The following OS9 variants were observed in gnomAD, a reference collection of about 807,000 sequenced individuals.
OS9 encodes the protein protein OS-9.
In OS9, 58 loss-of-function variants were observed where a neutral mutation model predicts 84.7. The ratio of observed to expected loss-of-function variants is 0.68; its 90% CI spans 0.55 to 0.85. The LOEUF is 0.85. Among genes scored for constraint, OS9 ranks in the 40% least tolerant of loss-of-function variants. The pLI, the probability that OS9 is intolerant of heterozygous loss-of-function variation, is 0.00. For synonymous variants in OS9, 278 were observed against 320.8 expected (o/e 0.87, Z 1.43); for missense variants, 760 against 850.9 (o/e 0.89, Z 1.33).
chr12:57,718,418 G>A lies in OS9; in HGVS notation c.1407G>A (p.Gln469=), dbSNP rs767058976. The change falls in exon 11 of 15, where the codon CAG becomes CAA. Residue 469 remains glutamine, a synonymous_variant. Transcript: ENST00000315970. ...AGCGGGAACTGGAAAACATCATCCA[G>A]GAGGCAAGCCCAGCTCTTCCTCCTG... The part of the protein sequence containing the change: ...GMERELENII[Q]ETEKELDPDG... 5.6e-6 allele frequency: 9 copies of A among 1,612,468 alleles called. No individual in the cohort carries two copies. The highest frequency in any genetic ancestry group is 1.3e-5 in the African/African-American group (1 of 74,912).
In OS9 at chr12:57,697,889, A is replaced by G. The variant is rs1417651943; in HGVS notation, c.579+1516A>G. Among the ~76,000 whole-genome samples, 334 of 142,254 alleles carry G rather than the reference A, an allele frequency of 2.3e-3. 5 individuals carry two copies. The highest frequency in any genetic ancestry group is 8.3e-3 in the African/African-American group (321 of 38,452). The allele number at this position is 142,254 out of a possible 152,430, so 93.3% of individuals were successfully genotyped here. ...CACACACACACACACACACACACAC[A>G]CGGAACCTAACATAAGCAAACACAC... is the stretch of plus-strand genomic sequence containing the variant. On this transcript the variant is annotated intron_variant, in intron 5 of 14. Coordinates refer to ENST00000315970, the MANE Select transcript of OS9 (RefSeq NM_006812.4).
At chr12:57,713,293 G>A (rs961436964) in intron 5 of OS9, among the ~76,000 whole-genome samples, 1 of 152,178 alleles carries the variant, frequency 6.6e-6, no homozygotes, top group African/African-American at 2.4e-5. Flanking sequence ...CTTACGGACT[G>A]CCTCTCCCCC....
intron 5 of OS9, among the ~76,000 whole-genome samples, chr12:57,701,566 G>A (rs897809682): frequency 2.0e-5 from 3 of 151,454 alleles, no homozygotes; most frequent in Non-Finnish European, 4.4e-5. Context: ...GTGAGCCACC[G>A]TGCCTGGCCT....
chr12:57,707,500 AACTC>A (rs1427393251), intron 5 of OS9, among the ~76,000 whole-genome samples: 7 of 152,144 alleles, frequency 4.6e-5, no homozygotes, highest in Non-Finnish European at 1.0e-4. Flanking sequence ...ATCTCTTGAG[AACTC>A]ACTCACTGTC....
chr12:57,705,644 A>C (rs900999275), intron 5 of OS9, among the ~76,000 whole-genome samples: 1 of 151,612 alleles, frequency 6.6e-6, no homozygotes, highest in Non-Finnish European at 1.5e-5. Flanking sequence ...CTCTGCCTCA[A>C]CCTCCCGAGT....
Position 57,718,998 on chromosome 12 carries a change from GA to G in OS9, c.1419del (p.Glu474SerfsTer7). 1 of 1,612,998 alleles carries G rather than the reference GA, an allele frequency of 6.2e-7. No individual in the cohort carries two copies. Among genetic ancestry groups the G allele is most frequent in the Non-Finnish European group, 8.5e-7 (1 of 1,179,560 alleles). ...TCTTCTCTTGGGTATTCCAGACAGA[GA>G]AAGAGCTGGACCCAGATGGGCTGAA... Reference protein sequence around the residue: ...ELENIIQETEKELDPDGLKKE... With the variant: ...ELENIIQETEXELDPDGLKKE... On this transcript the variant is annotated frameshift_variant, in exon 12 of 15. Coordinates refer to ENST00000315970, the MANE Select transcript of OS9 (RefSeq NM_006812.4). LOFTEE classifies it high-confidence loss of function.
Position 57,695,825 on chromosome 12 carries a change from CA to C in OS9, c.386del (p.Gln129ArgfsTer92). The C allele has an allele frequency of 6.2e-7, 1 of 1,611,362 alleles. No homozygotes were observed. Among genetic ancestry groups the C allele is most frequent in the Non-Finnish European group, 8.5e-7 (1 of 1,177,460 alleles). ...TYEFCYGRHI[Q>X]QYHMEDSEIK... ...TGAATTCTGTTATGGACGCCACATC[CA>C]GCAATACCACATGGAAGGTAACTCA... On this transcript the variant is annotated frameshift_variant, in exon 3 of 15. Transcript: ENST00000315970. LOFTEE classifies it high-confidence loss of function.
rs938530907 is a variant in OS9 at position 57,705,714 on chromosome 12, G to A, written c.579+9341G>A. Among the ~76,000 whole-genome samples the A allele has an allele frequency of 2.6e-5, 4 of 152,006 alleles. 1 individual carries two copies. The highest frequency in any genetic ancestry group is 4.2e-4 in the South Asian group (2 of 4,812). On this transcript the variant is annotated intron_variant, in intron 5 of 14. Transcript: ENST00000315970. ...CTAATTATTGTAATTTTTTTAGAGC[G>A]GGGGTTTTGTCATATTGGCCAGGCT...
intron 5 of OS9, among the ~76,000 whole-genome samples, chr12:57,712,793 T>G (rs1425696191): frequency 1.3e-5 from 2 of 151,994 alleles, no homozygotes. Flanking sequence ...ATGAAGCCTC[T>G]AGTGTCTCTT....
chr12:57,701,262 ATTTTTTTTTTTTTTTTTT>A (rs556973162), intron 5 of OS9, among the ~76,000 whole-genome samples: 1 of 71,476 alleles, frequency 1.4e-5, no homozygotes, highest in African/African-American at 5.8e-5. Flanking sequence ...TGGTTGAGTG[ATTTTTTTTTTTTTTTTTT>A]TTTTTTTTTT....
chr12:57,696,750 C>T (rs1403807013), intron 5 of OS9, among the ~76,000 whole-genome samples: 3 of 151,406 alleles, frequency 2.0e-5, no homozygotes, highest in South Asian at 2.1e-4. Flanking sequence ...GAGCCGAGGT[C>T]GTGCCACTGT....
intron 2 of OS9, 59 bp downstream of exon 2, chr12:57,694,985 C>A: frequency 6.8e-7 from 1 of 1,479,200 alleles, no homozygotes; most frequent in East Asian, 2.3e-5. Context: ...CATCCAAGAA[C>A]TGGAGTCCAC....
intron 5 of OS9, among the ~76,000 whole-genome samples, chr12:57,708,367 C>T (rs894590865): frequency 2.6e-5 from 4 of 151,912 alleles, no homozygotes; most frequent in African/African-American, 9.7e-5. Flanking sequence ...TGTGGTGGCT[C>T]ATGCCTGTAA....
rs1336116091 is a variant in OS9, at chr12:57,721,065, G to A, written c.*156G>A. The A allele has an allele frequency of 3.1e-5, 24 of 784,438 alleles. No homozygotes were observed. The highest frequency in any genetic ancestry group is 1.2e-4 in the African/African-American group (7 of 57,602). The allele number at this position is 784,438 out of a possible 1,614,324, so 48.6% of individuals were successfully genotyped here. ...GCAACTCTGTGGGTGTGGGGGCCCT[G>A]GGTGAATGCTGCTGCCCCTGCTGGC... On this transcript the variant is annotated 3_prime_UTR_variant, in exon 15 of 15. Coordinates refer to ENST00000315970, the MANE Select transcript of OS9 (RefSeq NM_006812.4).
intron 9 of OS9, among the ~76,000 whole-genome samples, chr12:57,717,018 A>G (rs527900577): frequency 6.6e-6 from 1 of 152,344 alleles, no homozygotes; most frequent in East Asian, 1.9e-4. Context: ...AGAGGGTTGC[A>G]TGGGATTAAA....
chr12:57,719,127 G>C lies in OS9; in HGVS notation c.1545G>C (p.Lys515Asn). 1 of 1,614,106 alleles carries C rather than the reference G, an allele frequency of 6.2e-7. No individual in the cohort carries two copies. The highest frequency in any genetic ancestry group is 8.5e-7 in the Non-Finnish European group (1 of 1,180,018). Residue 515 changes from lysine to asparagine, a missense_variant, in exon 12 of 15, where the codon AAG (lysine) becomes AAC (asparagine). Physicochemically the swap from Lys to Asn is moderately conservative, Grantham distance 94. Transcript: ENST00000315970. ...AACAGAGTCCAGAGCTGGTGAAGAA[G>C]CACAAGAAAAAGAGGGTTGTCCCCA... is the stretch of plus-strand genomic sequence containing the variant. ...EEKQSPELVK[K>N]HKKKRVVPKK...
At position 57,716,681 on chromosome 12, in the gene OS9, T is replaced by G. The variant is rs903352142; in HGVS notation, c.994-12T>G. On this transcript the variant is annotated splice_polypyrimidine_tract_variant and intron_variant, in intron 8 of 14. Coordinates refer to ENST00000315970, the MANE Select transcript of OS9 (RefSeq NM_006812.4). ...GCTTTCATACTTGACTCTCTCCTTTTCTCCTCGTCAGGAGCAGGACCCAAG... is the reference window on the plus strand; with the variant it reads ...GCTTTCATACTTGACTCTCTCCTTTGCTCCTCGTCAGGAGCAGGACCCAAG... 3.7e-6 allele frequency: 6 copies of G among 1,613,654 alleles called. No individual in the cohort carries two copies. Among genetic ancestry groups the G allele is most frequent in the Non-Finnish European group, 5.1e-6 (6 of 1,179,680 alleles).
At chr12:57,706,154 T>A (rs922248888) in intron 5 of OS9, among the ~76,000 whole-genome samples, 2 of 152,208 alleles carry the variant, frequency 1.3e-5, no homozygotes, top group Non-Finnish European at 2.9e-5. Context: ...TGCAGATACC[T>A]TTTATCAGGT....
chr12:57,704,503 C>T (rs1013625920), intron 5 of OS9, among the ~76,000 whole-genome samples: 2 of 151,618 alleles, frequency 1.3e-5, no homozygotes, highest in Non-Finnish European at 2.9e-5. Flanking sequence ...CACCACTGCT[C>T]TCCAACCTGG....
Sources: gnomAD v4.1 joint callset for allele counts (sites outside exome capture counted in the v4.1 genomes callset) on GRCh38, gnomAD v4.1.1 for gene constraint, MANE v1.5 for transcripts, NCBI Gene and HGNC (gene_info 2026-07-23, HGNC 2026-07-21) for gene names.